Variants in BRAT1 observed in about 807,000 individuals in gnomAD.
BRAT1 encodes the protein BRCA1 associated ATM activator 1.
BRAT1 carries 74 observed loss-of-function variants against 70.6 expected under a neutral mutation model. The ratio of observed to expected loss-of-function variants is 1.05; its 90% confidence interval spans 0.87 to 1.27. BRAT1 has a LOEUF of 1.27. BRAT1 is among the 50% of genes most tolerant of loss of function. BRAT1 has a pLI of 0.00. For synonymous variants in BRAT1, 615 were observed against 517.1 expected (o/e 1.19, Z -2.57); for missense variants, 1,203 against 1,098.2 (o/e 1.10, Z -1.35).
intron 7 of BRAT1, 98 bp downstream of exon 7, chr7:2,542,022 T>A: frequency 7.9e-7 from 1 of 1,271,284 alleles, no homozygotes; most frequent in Non-Finnish European, 1.1e-6. Context: ...GTGATTAAAG[T>A]GGGGCGGGGG....
intron 2 of BRAT1, 41 bp from the exon 3 acceptor site, chr7:2,547,519 C>T: frequency 3.1e-6 from 5 of 1,598,914 alleles, no homozygotes; most frequent in South Asian, 2.2e-5. Flanking sequence ...AGGGGTACGG[C>T]ACCAGGTGTC....
intron 2 of BRAT1, 50 bp from the exon 3 acceptor site, chr7:2,547,528 T>G: frequency 6.3e-7 from 1 of 1,580,064 alleles, no homozygotes; most frequent in Non-Finnish European, 8.7e-7. Flanking sequence ...GCACCAGGTG[T>G]CCCCCTGGAT....
chr7:2,548,571 C>T (rs966937066), intron 2 of BRAT1, among the ~76,000 whole-genome samples: 5 of 151,638 alleles, frequency 3.3e-5, no homozygotes, highest in Admixed American at 1.3e-4. Flanking sequence ...GAGGCTGAGA[C>T]GGGAGGATTG....
At chr7:2,551,851 ATATGT>A (rs960607214) in intron 2 of BRAT1, among the ~76,000 whole-genome samples, 20 of 151,326 alleles carry the variant, frequency 1.3e-4, no homozygotes, top group African/African-American at 4.8e-4. Context: ...GATTCAAAAC[ATATGT>A]TATGTTTTCT....
intron 2 of BRAT1, among the ~76,000 whole-genome samples, chr7:2,547,963 A>C (rs1394942421): frequency 6.6e-6 from 1 of 152,138 alleles, no homozygotes; most frequent in Non-Finnish European, 1.5e-5. Context: ...TCATGCCTGT[A>C]GTCCCAGCTA....
intron 13 of BRAT1, 146 bp downstream of exon 13, chr7:2,539,033 A>G (rs905995513): frequency 1.6e-4 from 232 of 1,442,708 alleles, no homozygotes; most frequent in Admixed American, 2.6e-4. Flanking sequence ...GCACAGCCCC[A>G]GGGCCTCGGC....
chr7:2,539,635 G>T lies in BRAT1; in HGVS notation c.1506C>A (p.Phe502Leu), dbSNP rs754789952. The change falls in exon 12 of 14, where the codon TTC (phenylalanine) becomes TTA (leucine). Residue 502 changes from phenylalanine (F) to leucine (L), a missense_variant. Phe to Leu is a conservative substitution (Grantham distance 22). Transcript: ENST00000340611. Reference sequence around the variant, plus strand: ...GGCACAGGCGTTTCTGCAGCACAGGGAACAGCTCTAGGGTGGGAAGGGACA... The same window carrying T: ...GGCACAGGCGTTTCTGCAGCACAGGTAACAGCTCTAGGGTGGGAAGGGACA... ...PLIPQFLREL[F>L]PVLQKRLCHP... is the part of the protein sequence containing the mutation. 23 of 1,594,022 alleles carry T rather than the reference G, an allele frequency of 1.4e-5. No individual in the cohort carries two copies. Among genetic ancestry groups the T allele is most frequent in the South Asian group, 3.4e-5 (3 of 88,214 alleles).
At chr7:2,540,711 T>G in intron 10 of BRAT1, 1 of 396,320 alleles carries the variant, frequency 2.5e-6, no homozygotes, top group Non-Finnish European at 4.5e-6. Context: ...TCATTTCCCT[T>G]GTCCAGAATT....
In BRAT1 at chr7:2,538,281, G is replaced by A. The variant is rs140546659; in HGVS notation, c.2254C>T (p.Leu752=). 8.1e-6 allele frequency: 13 copies of A among 1,612,164 alleles called. No homozygotes were observed. The highest frequency in any genetic ancestry group is 1.1e-5 in the Non-Finnish European group (13 of 1,179,594). Residue 752 remains leucine, a synonymous_variant, in exon 14 of 14, where the codon CTG becomes TTG. Coordinates refer to ENST00000340611, the MANE Select transcript of BRAT1 (RefSeq NM_152743.4). ...SPNTASAEAT[L]PRWRAGEQAQ... ...TGCTCACCCGCCCGCCACCTCGGCA[G>A]GGTGGCCTCTGCGGAGGCAGTGTTG... is the stretch of plus-strand genomic sequence containing the variant.
Position 2,543,802 on chromosome 7 carries a change from C to A in BRAT1, c.591G>T (p.Lys197Asn), listed in dbSNP as rs780216063. 1 of 1,612,794 alleles carries A rather than the reference C, an allele frequency of 6.2e-7. No homozygotes were observed. The highest frequency in any genetic ancestry group is 1.7e-4 in the Middle Eastern group (1 of 6,058). Residue 197 changes from lysine to asparagine, a missense_variant, in exon 5 of 14, where the codon AAG (lysine) becomes AAT (asparagine). By Grantham distance (94) the Lys-to-Asn change is moderately conservative. Coordinates refer to ENST00000340611, the MANE Select transcript of BRAT1 (RefSeq NM_152743.4). The surrounding 1 kb of genome is among the most constrained non-coding windows in gnomAD (Gnocchi z 5.5). ...AGGACTCTTCAACGTGATCCATGAT[C>A]TTCTGGGCACACGCGGGCCAGTCAC... is the stretch of plus-strand genomic sequence containing the variant. ...PGGDWPACAQKIMDHVEESLC... is the reference protein window; with the variant it reads ...PGGDWPACAQNIMDHVEESLC...
At chr7:2,548,093 CAAAAAAAAAAA>C (rs57069903) in intron 2 of BRAT1, among the ~76,000 whole-genome samples, 22,946 of 98,876 alleles carry the variant, frequency 0.23, 1,963 homozygotes, top group Middle Eastern at 0.3. Context: ...GACTCCATTC[CAAAAAAAAAAA>C]AAAAAAAAAG....
chr7:2,545,230 G>A (rs1284934457), intron 3 of BRAT1, among the ~76,000 whole-genome samples, 174 bp from the exon 4 acceptor site: 1 of 151,828 alleles, frequency 6.6e-6, no homozygotes, highest in Non-Finnish European at 1.5e-5. Context: ...TGGGTGTGGT[G>A]GCATGCACCT....
Position 2,543,964 on chromosome 7 carries a change from TG to T in BRAT1, c.431-3del. ...GGGAGAAGATGGTGTCGACCGCACC[TG>T]GGTAGGGGATGGGGGAAGAGAGGGA... is the stretch of plus-strand genomic sequence containing the variant. On this transcript the variant is annotated splice_region_variant and splice_polypyrimidine_tract_variant and intron_variant, in intron 4 of 13. Transcript: ENST00000340611. This position sits in a 1 kb window ranked among gnomAD's most constrained non-coding sequence, Gnocchi z 5.5. The T allele has an allele frequency of 6.5e-7, 1 of 1,536,502 alleles. No homozygotes were observed.
chr7:2,538,556 A>G lies in BRAT1; in HGVS notation c.1979T>C (p.Val660Ala). 6.2e-7 allele frequency: 1 copy of G among 1,600,966 alleles called. No individual in the cohort carries two copies. Among genetic ancestry groups the G allele is most frequent in the Non-Finnish European group, 8.5e-7 (1 of 1,177,884 alleles). ...CGGCCCCAAAGTCTGGCCCAGGAAC[A>G]CGAGGGCCAGCTCCAGGCCCTGGGC... is the stretch of plus-strand genomic sequence containing the variant. ...VRAQGLELAL[V>A]FLGQTLGPPR... is the part of the protein sequence containing the mutation. Residue 660 changes from valine (V) to alanine (A), a missense_variant, in exon 14 of 14, where the codon GTG becomes GCG. By Grantham distance (64) the Val-to-Ala change is moderately conservative. Coordinates refer to ENST00000340611, the MANE Select transcript of BRAT1 (RefSeq NM_152743.4).
intron 3 of BRAT1, 92 bp from the exon 4 acceptor site, chr7:2,545,148 G>C (rs915384121): frequency 1.5e-6 from 2 of 1,351,508 alleles, no homozygotes; most frequent in Admixed American, 3.2e-5. Context: ...GGCAGATCAC[G>C]AGGTCAGGAG....
chr7:2,540,857 G>C, intron 10 of BRAT1, 122 bp downstream of exon 10: 1 of 1,042,712 alleles, frequency 9.6e-7, no homozygotes, highest in South Asian at 2.1e-5. Context: ...CTGAGCAGCA[G>C]CTCTGTGGCC....
At chr7:2,551,679 C>CAA (rs547879749) in intron 2 of BRAT1, among the ~76,000 whole-genome samples, 6 of 93,414 alleles carry the variant, frequency 6.4e-5, no homozygotes, top group South Asian at 6.9e-4. Context: ...AACCCTGGCT[C>CAA]AAAAAAAAAA....
At chr7:2,552,164 C>G (rs1211376648) in intron 2 of BRAT1, among the ~76,000 whole-genome samples, 1 of 117,382 alleles carries the variant, frequency 8.5e-6, no homozygotes, top group Non-Finnish European at 1.7e-5. Context: ...ATTGCCCTGG[C>G]TGGAGTGCAA....
chr7:2,542,963 C>T, intron 6 of BRAT1: 1 of 366,204 alleles, frequency 2.7e-6, no homozygotes, highest in Non-Finnish European at 4.9e-6. Flanking sequence ...CAGAGCAGCT[C>T]CCGCATCCTT....
Sources: allele counts gnomAD v4.1 joint callset (sites outside exome capture counted in the v4.1 genomes callset), GRCh38; gene constraint gnomAD v4.1.1; non-coding constraint Gnocchi (gnomAD v3.1); transcripts MANE v1.5; gene names NCBI Gene and HGNC (gene_info 2026-07-23, HGNC 2026-07-21).